Variants in SMURF2 observed in about 807,000 individuals in gnomAD.
The protein encoded by SMURF2 is E3 ubiquitin-protein ligase SMURF2.
SMURF2 carries 48 observed loss-of-function variants against 109.6 expected under a neutral mutation model. The ratio of observed to expected loss-of-function variants is 0.44; its 90% CI spans 0.35 to 0.56. SMURF2 has a LOEUF of 0.56. Ranked by LOEUF, SMURF2 falls within the 20% of genes least tolerant of loss-of-function variation. The pLI, the probability that SMURF2 is intolerant of heterozygous loss-of-function variation, is 0.01. For missense variants in SMURF2, 575 were observed against 909.0 expected (o/e 0.63, Z 4.72); for synonymous variants, 288 against 317.1 (o/e 0.91, Z 0.97).
intron 2 of SMURF2, among the ~76,000 whole-genome samples, chr17:64,605,773 A>ATC (rs1969962235): frequency 7.2e-6 from 1 of 138,546 alleles, no homozygotes; most frequent in Non-Finnish European, 1.5e-5. Flanking sequence ...ATATATATAT[A>ATC]TATCTTATTT....
rs145442107 is a variant in SMURF2 at position 64,628,382 on chromosome 17, A to G, written c.53-21742T>C. Among the ~76,000 whole-genome samples, 742 of 152,262 alleles carry G rather than the reference A, an allele frequency of 4.9e-3. 16 individuals are homozygous for G. The highest frequency in any genetic ancestry group is 0.046 in the Admixed American group (696 of 15,274). On this transcript the variant is annotated intron_variant, in intron 1 of 18. Transcript: ENST00000262435. The stretch of plus-strand genomic sequence containing the variant: ...TAAGTATTCTATGTATACATTTTCT[A>G]TCAAATAGTGAAATAAATCTCCTTT...
intron 15 of SMURF2, among the ~76,000 whole-genome samples, chr17:64,551,977 T>C (rs1969052147): frequency 6.6e-6 from 1 of 152,186 alleles, no homozygotes; most frequent in African/African-American, 2.4e-5. Flanking sequence ...AAACAGGACG[T>C]CTACTAGAGC....
chr17:64,596,109 C>T (rs1555688075), intron 3 of SMURF2, among the ~76,000 whole-genome samples: 2 of 151,322 alleles, frequency 1.3e-5, no homozygotes, highest in Non-Finnish European at 2.9e-5. Flanking sequence ...TGTATATATA[C>T]ATATATGTGT....
intron 1 of SMURF2, among the ~76,000 whole-genome samples, chr17:64,645,759 A>G (rs1473547475): frequency 6.6e-6 from 1 of 152,118 alleles, no homozygotes; most frequent in Non-Finnish European, 1.5e-5. Context: ...GACATATGCC[A>G]CCACACCCAG....
intron 1 of SMURF2, among the ~76,000 whole-genome samples, chr17:64,644,244 G>A (rs1305979732): frequency 3.3e-5 from 5 of 152,110 alleles, no homozygotes; most frequent in East Asian, 1.9e-4. Context: ...CCTTCAAAGC[G>A]CTGGGATTTC....
intron 2 of SMURF2, among the ~76,000 whole-genome samples, chr17:64,602,716 C>T (rs1436887448): frequency 3.9e-5 from 6 of 152,064 alleles, no homozygotes; most frequent in Non-Finnish European, 8.8e-5. Flanking sequence ...ATCACGAGGT[C>T]ACGAGTTCAA....
intron 1 of SMURF2, among the ~76,000 whole-genome samples, chr17:64,651,709 G>A (rs1184892581): frequency 6.6e-6 from 1 of 151,490 alleles, no homozygotes; most frequent in Non-Finnish European, 1.5e-5. Flanking sequence ...GATCACTTGA[G>A]GCCAGGAGTT....
intron 1 of SMURF2, among the ~76,000 whole-genome samples, chr17:64,619,431 TC>T (rs1970170140): frequency 8.0e-6 from 1 of 124,534 alleles, no homozygotes; most frequent in South Asian, 2.5e-4. Context: ...TGAGCCGAGA[TC>T]ATACCACTGC....
At chr17:64,651,114 T>C (rs1970632273) in intron 1 of SMURF2, among the ~76,000 whole-genome samples, 1 of 151,962 alleles carries the variant, frequency 6.6e-6, no homozygotes, top group African/African-American at 2.4e-5. Flanking sequence ...GGAGAATCAC[T>C]TGAACCCAGG....
At chr17:64,574,772 T>A (rs1463886516) in intron 9 of SMURF2, among the ~76,000 whole-genome samples, 2 of 149,694 alleles carry the variant, frequency 1.3e-5, no homozygotes, top group African/African-American at 4.9e-5. Flanking sequence ...AATCCTTTAC[T>A]CACTAATAAA....
At chr17:64,556,557 T>G (rs778815457) in intron 13 of SMURF2, among the ~76,000 whole-genome samples, 3 of 152,132 alleles carry the variant, frequency 2.0e-5, no homozygotes, top group Non-Finnish European at 4.4e-5. Flanking sequence ...AAAGCATCTC[T>G]ATGAGGAGTA....
chr17:64,616,641 C>T (rs1315737724), intron 1 of SMURF2, among the ~76,000 whole-genome samples: 1 of 144,710 alleles, frequency 6.9e-6, no homozygotes, highest in African/African-American at 2.6e-5. Flanking sequence ...GACGACAGTG[C>T]GAGACTCTGT....
intron 1 of SMURF2, among the ~76,000 whole-genome samples, chr17:64,637,364 C>A (rs1052884615): frequency 1.9e-4 from 29 of 151,888 alleles, no homozygotes; most frequent in Middle Eastern, 3.4e-3. Context: ...TGGCCTCAAA[C>A]AACCACTCGT....
chr17:64,637,100 A>G (rs1471679246), intron 1 of SMURF2, among the ~76,000 whole-genome samples: 2 of 151,768 alleles, frequency 1.3e-5, no homozygotes, highest in African/African-American at 2.4e-5. Context: ...ACAGAATCCA[A>G]TCCAAAGTCT....
chr17:64,542,697 A>C lies in SMURF2; in HGVS notation c.*3151T>G, dbSNP rs1968891422. On this transcript the variant is annotated 3_prime_UTR_variant, in exon 19 of 19. Coordinates refer to ENST00000262435, the MANE Select transcript of SMURF2 (RefSeq NM_022739.4). ...AACAGCCTCTAACTCCCAACAATCCAATCAGTCCAATGCACTGGAAATTCA... is the reference window on the plus strand; with the variant it reads ...AACAGCCTCTAACTCCCAACAATCCCATCAGTCCAATGCACTGGAAATTCA... 6.6e-6 allele frequency: 1 copy of C among 152,186 alleles called. No homozygotes were observed. Among genetic ancestry groups the C allele is most frequent in the Admixed American group, 6.5e-5 (1 of 15,280 alleles). 9.4% of individuals were successfully genotyped at this position (152,186 alleles called of 1,614,324 possible). A position where few individuals can be genotyped will look rare whatever the true frequency, so the allele number is the denominator to read the frequency against.
At chr17:64,642,363 T>C (rs1384745584) in intron 1 of SMURF2, among the ~76,000 whole-genome samples, 1 of 152,226 alleles carries the variant, frequency 6.6e-6, no homozygotes, top group African/African-American at 2.4e-5. Context: ...ATCATGATTC[T>C]TCTATAGCAA....
Position 64,583,533 on chromosome 17 carries a change from C to T in SMURF2, c.497G>A (p.Arg166Lys). The change falls in exon 7 of 19, where the codon AGG (arginine) becomes AAG (lysine). Residue 166 changes from arginine to lysine, a missense_variant. Arg to Lys is a conservative substitution (Grantham distance 26). Coordinates refer to ENST00000262435, the MANE Select transcript of SMURF2 (RefSeq NM_022739.4). ...DNDLPDGWEE[R>K]RTASGRIQYL... ...CTGGATTCTTCCAGAGGCGGTTCTCCTTTCTTCCCAGCTTAAATAAAAATA... is the reference window on the plus strand; with the variant it reads ...CTGGATTCTTCCAGAGGCGGTTCTCTTTTCTTCCCAGCTTAAATAAAAATA... 6.2e-7 allele frequency: 1 copy of T among 1,613,766 alleles called. No individual in the cohort carries two copies. Among genetic ancestry groups the T allele is most frequent in the Non-Finnish European group, 8.5e-7 (1 of 1,179,704 alleles).
chr17:64,556,598 T>A (rs1368501039), intron 13 of SMURF2, among the ~76,000 whole-genome samples: 4 of 152,206 alleles, frequency 2.6e-5, no homozygotes, highest in African/African-American at 9.6e-5. Context: ...CCCATGGAAC[T>A]GGACCTGGCA....
intron 1 of SMURF2, among the ~76,000 whole-genome samples, chr17:64,613,673 AGTGTGT>A (rs61060865): frequency 0.019 from 387 of 20,752 alleles, 2 homozygotes; most frequent in Non-Finnish European, 0.022. Flanking sequence ...TCCACGGACC[AGTGTGT>A]GTGTGTGTGT....
Sources: allele counts gnomAD v4.1 joint callset (sites outside exome capture counted in the v4.1 genomes callset), GRCh38; gene constraint gnomAD v4.1.1; transcripts MANE v1.5; gene names NCBI Gene and HGNC (gene_info 2026-07-23, HGNC 2026-07-21).